NXPH1: variants seen among roughly 807,000 people sequenced by gnomAD.
NXPH1 encodes neurexophilin 1, also known as neurexophilin-1.
In NXPH1, 5 loss-of-function variants were observed where a neutral mutation model predicts 23.7. The observed-to-expected ratio is 0.21, with a 90% CI of 0.11 to 0.44. The LOEUF is 0.44. Ranked by LOEUF, NXPH1 falls within the 20% of genes least tolerant of loss-of-function variation. The probability of loss-of-function intolerance (pLI) is 0.99; values close to 1 mark genes in which losing one functional copy is unlikely to be tolerated. For synonymous variants in NXPH1, 144 were observed against 122.2 expected (o/e 1.18, Z -1.18); for missense variants, 324 against 321.6 (o/e 1.01, Z -0.06).
At chr7:8,719,413 C>T (rs941707198) in intron 2 of NXPH1, among the ~76,000 whole-genome samples, 1 of 152,082 alleles carries the variant, frequency 6.6e-6, no homozygotes, top group African/African-American at 2.4e-5. Context: ...AAGCATAGAT[C>T]AAAAATATTA....
At chr7:8,465,445 C>T (rs1364619585) in intron 2 of NXPH1, among the ~76,000 whole-genome samples, 2 of 146,514 alleles carry the variant, frequency 1.4e-5, no homozygotes, top group Admixed American at 6.6e-5. Context: ...GGTCATGGTC[C>T]AGCTCAGCCT....
chr7:8,608,947 C>A lies in NXPH1; in HGVS notation c.55-142061C>A, dbSNP rs150528829. On this transcript the variant is annotated intron_variant, in intron 2 of 2. Coordinates refer to ENST00000405863, the MANE Select transcript of NXPH1 (RefSeq NM_152745.3). ...CAGGGATATATACAGTAAGTCCTCA[C>A]CTAATGTCATTGATAGGTTCTTGGA... is the stretch of plus-strand genomic sequence containing the variant. Among the ~76,000 whole-genome samples the A allele has an allele frequency of 3.0e-3, 449 of 152,156 alleles. 2 individuals are homozygous for A. The highest frequency in any genetic ancestry group is 0.01 in the African/African-American group (431 of 41,526).
At chr7:8,605,092 A>G (rs1032389489) in intron 2 of NXPH1, among the ~76,000 whole-genome samples, 5 of 152,140 alleles carry the variant, frequency 3.3e-5, no homozygotes, top group Non-Finnish European at 5.9e-5. Flanking sequence ...AAATAACTTC[A>G]AGTGAATTCA....
At chr7:8,500,492 G>T (rs1541413) in intron 2 of NXPH1, among the ~76,000 whole-genome samples, 1 of 152,060 alleles carries the variant, frequency 6.6e-6, no homozygotes, top group Non-Finnish European at 1.5e-5. Context: ...AATGGCATCT[G>T]CCTTATTTGG....
intron 2 of NXPH1, among the ~76,000 whole-genome samples, chr7:8,640,516 G>A (rs10263174): frequency 0.33 from 49,956 of 151,458 alleles, 8,714 homozygotes; most frequent in African/African-American, 0.44. Flanking sequence ...TTCTTTACTT[G>A]TCTTTAAATA....
chr7:8,627,934 G>C (rs1820028849), intron 2 of NXPH1, among the ~76,000 whole-genome samples: 1 of 151,984 alleles, frequency 6.6e-6, no homozygotes, highest in Non-Finnish European at 1.5e-5. Context: ...TGGATAAAAG[G>C]CACTATATGG....
intron 2 of NXPH1, among the ~76,000 whole-genome samples, chr7:8,636,849 T>A (rs2349500): frequency 0.28 from 41,824 of 151,110 alleles, 6,220 homozygotes; most frequent in African/African-American, 0.35. Flanking sequence ...ATATGAAGAT[T>A]TGTATTGGAT....
intron 2 of NXPH1, among the ~76,000 whole-genome samples, chr7:8,739,612 AT>A (rs1202570621): frequency 1.3e-5 from 2 of 151,838 alleles, no homozygotes; most frequent in African/African-American, 4.8e-5. Context: ...CCAGTCACCT[AT>A]TTTCCTCTTT....
chr7:8,510,178 G>A (rs1177691645), intron 2 of NXPH1, among the ~76,000 whole-genome samples: 3 of 152,076 alleles, frequency 2.0e-5, no homozygotes, highest in African/African-American at 4.8e-5. Context: ...TGTGACAAAG[G>A]GTGCCTGGGG....
chr7:8,510,541 T>C (rs932790970), intron 2 of NXPH1, among the ~76,000 whole-genome samples: 3 of 152,058 alleles, frequency 2.0e-5, no homozygotes, highest in Non-Finnish European at 2.9e-5. Flanking sequence ...CAGGGGAAAG[T>C]AAAATGTTTT....
chr7:8,732,202 G>A lies in NXPH1; in HGVS notation c.55-18806G>A, dbSNP rs144745333. Among the ~76,000 whole-genome samples, 1,418 of 152,292 alleles carry A rather than the reference G, an allele frequency of 9.3e-3. 21 individuals carry two copies. Among genetic ancestry groups the A allele is most frequent in the African/African-American group, 0.031 (1,283 of 41,552 alleles). On this transcript the variant is annotated intron_variant, in intron 2 of 2. Coordinates refer to ENST00000405863, the MANE Select transcript of NXPH1 (RefSeq NM_152745.3). ...GCAATGCCTCGCCATGCTTCGGCTCGTGCATGGTGCGCGCACCCACTGACT... is the reference window on the plus strand; with the variant it reads ...GCAATGCCTCGCCATGCTTCGGCTCATGCATGGTGCGCGCACCCACTGACT...
At chr7:8,614,440 G>GTA (rs995522379) in intron 2 of NXPH1, among the ~76,000 whole-genome samples, 7 of 151,558 alleles carry the variant, frequency 4.6e-5, no homozygotes, top group Non-Finnish European at 7.4e-5. Context: ...GTCTGTATGT[G>GTA]TATATATATG....
chr7:8,671,270 T>C (rs1455732336), intron 2 of NXPH1, among the ~76,000 whole-genome samples: 2 of 152,206 alleles, frequency 1.3e-5, no homozygotes, highest in Non-Finnish European at 2.9e-5. Flanking sequence ...GAAGAACATA[T>C]GTTTGACTAA....
At chr7:8,639,666 A>G (rs1820275585) in intron 2 of NXPH1, among the ~76,000 whole-genome samples, 1 of 152,158 alleles carries the variant, frequency 6.6e-6, no homozygotes, top group South Asian at 2.1e-4. Flanking sequence ...ATCTCCCAGA[A>G]TTCCCACGTA....
At chr7:8,713,383 C>CA (rs370357446) in intron 2 of NXPH1, among the ~76,000 whole-genome samples, 3 of 152,036 alleles carry the variant, frequency 2.0e-5, no homozygotes, top group East Asian at 3.8e-4. Context: ...GCATTTCCTC[C>CA]AAAAAAACTC....
intron 2 of NXPH1, among the ~76,000 whole-genome samples, chr7:8,580,702 C>T (rs1322880954): frequency 2.6e-5 from 4 of 151,436 alleles, no homozygotes; most frequent in Admixed American, 6.6e-5. Flanking sequence ...GCTGAATCTG[C>T]GGCATTCATG....
At chr7:8,573,115 A>T (rs1395969333) in intron 2 of NXPH1, among the ~76,000 whole-genome samples, 1 of 151,672 alleles carries the variant, frequency 6.6e-6, no homozygotes, top group African/African-American at 2.4e-5. Flanking sequence ...AGTTAAGATC[A>T]TACTGTGTAC....
chr7:8,613,866 A>C (rs1163027232), intron 2 of NXPH1, among the ~76,000 whole-genome samples: 1 of 151,884 alleles, frequency 6.6e-6, no homozygotes, highest in Non-Finnish European at 1.5e-5. Flanking sequence ...AATCATACAC[A>C]CACATATACA....
At chr7:8,504,775 A>G (rs999287054) in intron 2 of NXPH1, among the ~76,000 whole-genome samples, 1 of 152,060 alleles carries the variant, frequency 6.6e-6, no homozygotes, top group African/African-American at 2.4e-5. Flanking sequence ...AAAAACAGAC[A>G]TGAAAGCTTG....
Sources: gnomAD v4.1 joint callset for allele counts (sites outside exome capture counted in the v4.1 genomes callset) on GRCh38, gnomAD v4.1.1 for gene constraint, MANE v1.5 for transcripts, NCBI Gene and HGNC (gene_info 2026-07-23, HGNC 2026-07-21) for gene names.